The following SCAPER variants were observed in gnomAD, a reference collection of about 807,000 sequenced individuals.
SCAPER encodes S phase cyclin A-associated protein in the endoplasmic reticulum.
Under a neutral mutation model 182.2 loss-of-function variants are expected in SCAPER, and 98 were observed. The observed-to-expected ratio is 0.54, with a 90% confidence interval of 0.46 to 0.64. The LOEUF is 0.64. Ranked by LOEUF, SCAPER falls within the 30% of genes least tolerant of loss-of-function variation. SCAPER has a pLI of 0.00. For missense variants in SCAPER, 1,432 were observed against 1,690.0 expected (o/e 0.85, Z 2.68); for synonymous variants, 605 against 564.6 (o/e 1.07, Z -1.01).
rs1276671951 is a variant in SCAPER, at chr15:76,381,545, G to C, written c.3538C>G (p.Leu1180Val). The C allele has an allele frequency of 1.2e-6, 2 of 1,612,224 alleles. No homozygotes were observed. Among genetic ancestry groups the C allele is most frequent in the South Asian group, 2.2e-5 (2 of 90,618 alleles). ...TAGAGCATATGAAGAACTCCAGCCA[G>C]GTCGGTTGCCTGAAGAGCAGCTGTC... ...GLTAALQATDLAGVLHMLYCV... is the reference protein window; with the variant it reads ...GLTAALQATDVAGVLHMLYCV... Residue 1180 changes from leucine to valine, a missense_variant, in exon 28 of 32, where the codon CTG becomes GTG. Physicochemically the swap from Leu to Val is conservative, Grantham distance 32. This residue lies in a region of SCAPER where 718 missense variants were observed against 799.7 expected (regional missense o/e 0.90). Coordinates refer to ENST00000563290, the MANE Select transcript of SCAPER (RefSeq NM_020843.4).
At chr15:76,540,226 C>T (rs903065547) in intron 23 of SCAPER, among the ~76,000 whole-genome samples, 1 of 152,032 alleles carries the variant, frequency 6.6e-6, no homozygotes, top group Non-Finnish European at 1.5e-5. Flanking sequence ...CATAGCAAGA[C>T]CCTGTCTCTA....
chr15:76,567,081 T>C (rs1309045289), intron 23 of SCAPER, among the ~76,000 whole-genome samples: 1 of 152,158 alleles, frequency 6.6e-6, no homozygotes, highest in African/African-American at 2.4e-5. Context: ...ACCACCTATG[T>C]GTATATTCCA....
chr15:76,794,407 C>T (rs948726453), intron 8 of SCAPER, among the ~76,000 whole-genome samples: 2 of 152,122 alleles, frequency 1.3e-5, no homozygotes, highest in African/African-American at 4.8e-5. Context: ...CTACCTCTTC[C>T]TAAAAGAAGT....
At chr15:76,419,401 TA>T (rs1409405698) in intron 26 of SCAPER, among the ~76,000 whole-genome samples, 2 of 151,080 alleles carry the variant, frequency 1.3e-5, no homozygotes, top group Non-Finnish European at 1.5e-5. Flanking sequence ...TGAATTCTCC[TA>T]AATATTTAAA....
intron 21 of SCAPER, among the ~76,000 whole-genome samples, chr15:76,631,678 T>C (rs2053124588): frequency 6.6e-6 from 1 of 152,236 alleles, no homozygotes. Context: ...GGGCTTCCCT[T>C]TACAGGTGAC....
At chr15:76,564,896 C>T (rs998877415) in intron 23 of SCAPER, among the ~76,000 whole-genome samples, 1 of 152,004 alleles carries the variant, frequency 6.6e-6, no homozygotes, top group Admixed American at 6.6e-5. Flanking sequence ...CTTCGACAAA[C>T]CTGACAAAAA....
At position 76,769,715 on chromosome 15, in the gene SCAPER, T is replaced by C. The variant is rs560865584; in HGVS notation, c.1248+2027A>G. The stretch of plus-strand genomic sequence containing the variant: ...AATAGGAATGCTTTTACACTGTTGG[T>C]GGGAGTGTAAATTAGTTCAACTATT... On this transcript the variant is annotated intron_variant, in intron 10 of 31. Transcript: ENST00000563290. Among the ~76,000 whole-genome samples the C allele has an allele frequency of 6.1e-3, 924 of 152,206 alleles. 6 individuals are homozygous for C. Among genetic ancestry groups the C allele is most frequent in the Non-Finnish European group, 0.01 (691 of 68,000 alleles).
intron 20 of SCAPER, among the ~76,000 whole-genome samples, chr15:76,678,998 T>C (rs981033022): frequency 6.6e-5 from 10 of 152,100 alleles, no homozygotes; most frequent in Non-Finnish European, 1.2e-4. Context: ...TGATCACTCA[T>C]CCAAGAAAAC....
At chr15:76,416,560 A>G (rs1455732277) in intron 26 of SCAPER, among the ~76,000 whole-genome samples, 1 of 152,072 alleles carries the variant, frequency 6.6e-6, no homozygotes, top group East Asian at 1.9e-4. Flanking sequence ...ATGATACCCA[A>G]TATTGTCTAG....
chr15:76,888,452 T>C (rs79569649), intron 1 of SCAPER, among the ~76,000 whole-genome samples: 30 of 152,218 alleles, frequency 2.0e-4, no homozygotes, highest in African/African-American at 6.7e-4. Context: ...AATGGCTAAC[T>C]AGAATGAACA....
chr15:76,608,900 C>T (rs1387667398), intron 22 of SCAPER, among the ~76,000 whole-genome samples: 1 of 152,136 alleles, frequency 6.6e-6, no homozygotes, highest in Non-Finnish European at 1.5e-5. Flanking sequence ...GGGAGTGACC[C>T]GATTTTCCAG....
intron 24 of SCAPER, among the ~76,000 whole-genome samples, chr15:76,477,721 A>G (rs1231049329): frequency 1.3e-5 from 2 of 152,194 alleles, no homozygotes; most frequent in African/African-American, 4.8e-5. Flanking sequence ...TTTAAAGGTT[A>G]CATTTCTTTG....
chr15:76,423,980 A>G (rs1405420132), intron 26 of SCAPER, among the ~76,000 whole-genome samples: 1 of 152,212 alleles, frequency 6.6e-6, no homozygotes, highest in Admixed American at 6.5e-5. Context: ...CTGTGGTCTG[A>G]GAGACAGTTT....
At chr15:76,703,117 C>A (rs1215540349) in intron 18 of SCAPER, 115 bp from the exon 19 acceptor site, 1 of 1,112,248 alleles carries the variant, frequency 9.0e-7, no homozygotes, top group African/African-American at 1.6e-5. Context: ...GTTTCTATGA[C>A]AACTTACACA....
intron 26 of SCAPER, among the ~76,000 whole-genome samples, chr15:76,428,866 C>CTATATATATATATATATATATA (rs375991391): frequency 0.033 from 2,618 of 78,920 alleles, 166 homozygotes; most frequent in Middle Eastern, 0.037. Flanking sequence ...GATCATTATA[C>CTATATATATATATATATATATA]TATATATATA....
chr15:76,626,168 C>A (rs1386587701), intron 21 of SCAPER, among the ~76,000 whole-genome samples: 1 of 152,094 alleles, frequency 6.6e-6, no homozygotes, highest in African/African-American at 2.4e-5. Flanking sequence ...CTTAGATGAT[C>A]TGTTCAAAGC....
At chr15:76,529,352 T>C (rs971442157) in intron 23 of SCAPER, among the ~76,000 whole-genome samples, 1 of 152,204 alleles carries the variant, frequency 6.6e-6, no homozygotes, top group Non-Finnish European at 1.5e-5. Context: ...CGCCAGAACT[T>C]TGTATTTAAC....
Position 76,693,622 on chromosome 15 carries a change from T to G in SCAPER, c.2508+8136A>C, listed in dbSNP as rs974004720. ...AGATGAATGGCTATACAAAATATAG[T>G]ATACACAATTGAATATGATTAAATA... is the stretch of plus-strand genomic sequence containing the variant. On this transcript the variant is annotated intron_variant, in intron 20 of 31. Coordinates refer to ENST00000563290, the MANE Select transcript of SCAPER (RefSeq NM_020843.4). 1.2e-4 allele frequency among the ~76,000 whole-genome samples: 18 copies of G among 152,266 alleles called. No homozygotes were observed. In the East Asian group the frequency reaches 2.9e-3, roughly 24 times the overall value.
chr15:76,674,467 C>T (rs1186997990), intron 20 of SCAPER, among the ~76,000 whole-genome samples: 1 of 152,108 alleles, frequency 6.6e-6, no homozygotes, highest in Non-Finnish European at 1.5e-5. Context: ...ACTGAATTTC[C>T]AGTCCTTCCT....
Sources: allele counts gnomAD v4.1 joint callset (sites outside exome capture counted in the v4.1 genomes callset), GRCh38; gene constraint gnomAD v4.1.1; regional missense constraint gnomAD v4.1.1; transcripts MANE v1.5; gene names NCBI Gene and HGNC (gene_info 2026-07-23, HGNC 2026-07-21).